NAV2: variants seen among roughly 807,000 people sequenced by gnomAD.
The protein encoded by NAV2 is neuron navigator 2, also known as helicase, APC down-regulated 1.
A neutral mutation model predicts 223.2 loss-of-function variants in NAV2; 54 were observed. The observed-to-expected ratio is 0.24, with a 90% CI of 0.19 to 0.30. NAV2 has a LOEUF of 0.30. Ranked by LOEUF, NAV2 falls within the 10% of genes least tolerant of loss-of-function variation. NAV2 has a pLI of 1.00. For synonymous variants in NAV2, 1,279 were observed against 1,239.3 expected, an observed-to-expected ratio of 1.03 and a Z score of -0.67; for missense variants, 2,806 against 3,147.5, an observed-to-expected ratio of 0.89 and a Z score of 2.60.
chr11:19,422,441 T>G (rs1308785961), intron 1 of NAV2, among the ~76,000 whole-genome samples: 1 of 152,136 alleles, frequency 6.6e-6, no homozygotes, highest in Non-Finnish European at 1.5e-5. Flanking sequence ...AATTAGGGGC[T>G]GAAAGAAAGG....
chr11:19,514,094 GC>G (rs5790076), intron 1 of NAV2, among the ~76,000 whole-genome samples: 24,046 of 152,074 alleles, frequency 0.16, 2,070 homozygotes, highest in Admixed American at 0.21. Flanking sequence ...CACCATTTCA[GC>G]CTAATCTGTA....
At chr11:19,814,673 C>T (rs117122697) in intron 1 of NAV2, among the ~76,000 whole-genome samples, 3,070 of 152,010 alleles carry the variant, frequency 0.02, 35 homozygotes, top group Middle Eastern at 0.059. Flanking sequence ...CTATGTTGCC[C>T]AGGCTGGTCT....
intron 1 of NAV2, among the ~76,000 whole-genome samples, chr11:19,442,277 G>C (rs1412378784): frequency 6.6e-6 from 1 of 152,264 alleles, no homozygotes; most frequent in Non-Finnish European, 1.5e-5. Flanking sequence ...CTGGCAAGAG[G>C]CTGGGCCTCC....
intron 3 of NAV2, among the ~76,000 whole-genome samples, chr11:19,857,852 C>G (rs2061484481): frequency 6.6e-6 from 1 of 152,122 alleles, no homozygotes; most frequent in East Asian, 1.9e-4. Flanking sequence ...AGAACTTGCT[C>G]ATTTTTTAAT....
chr11:19,760,528 C>A (rs547928851), intron 1 of NAV2, among the ~76,000 whole-genome samples: 1 of 152,202 alleles, frequency 6.6e-6, no homozygotes, highest in African/African-American at 2.4e-5. Flanking sequence ...TTGCTGGTGA[C>A]GAAGCACTGA....
chr11:19,373,819 T>G (rs561282989), intron 1 of NAV2, among the ~76,000 whole-genome samples: 9 of 152,328 alleles, frequency 5.9e-5, no homozygotes, highest in Admixed American at 3.9e-4. Context: ...AGTGAATATT[T>G]GTTACATGTT....
At chr11:19,408,701 A>T (rs1221111337) in intron 1 of NAV2, among the ~76,000 whole-genome samples, 1 of 152,220 alleles carries the variant, frequency 6.6e-6, no homozygotes, top group Non-Finnish European at 1.5e-5. Context: ...TTTACAGATG[A>T]GAAAACTGAG....
intron 6 of NAV2, among the ~76,000 whole-genome samples, chr11:19,928,021 A>G (rs568666542): frequency 6.6e-6 from 1 of 152,286 alleles, no homozygotes; most frequent in East Asian, 1.9e-4. Flanking sequence ...AAAACTAACC[A>G]TTTCAGGTTC....
intron 6 of NAV2, among the ~76,000 whole-genome samples, chr11:19,893,090 A>G (rs1320945555): frequency 6.6e-6 from 1 of 152,058 alleles, no homozygotes; most frequent in East Asian, 1.9e-4. Flanking sequence ...AGGAGTGGAC[A>G]GCATTGCTCT....
chr11:19,886,988 C>G (rs11025315), intron 5 of NAV2, among the ~76,000 whole-genome samples: 80,165 of 151,986 alleles, frequency 0.53, 23,603 homozygotes, highest in Non-Finnish European at 0.67. Context: ...TCTACACCCC[C>G]CTTTCCCCAC....
intron 1 of NAV2, among the ~76,000 whole-genome samples, chr11:19,658,952 G>C (rs566380973): frequency 5.9e-5 from 9 of 152,166 alleles, no homozygotes; most frequent in Non-Finnish European, 1.3e-4. Context: ...TGGGGAAAAC[G>C]AAATCAGCAA....
intron 1 of NAV2, among the ~76,000 whole-genome samples, chr11:19,391,064 T>C (rs1564899277): frequency 6.6e-6 from 1 of 152,238 alleles, no homozygotes; most frequent in East Asian, 1.9e-4. Flanking sequence ...CCAGGCCAAG[T>C]AAATGAGGGG....
chr11:20,038,843 A>G (rs1375884919), intron 12 of NAV2, among the ~76,000 whole-genome samples: 3 of 152,240 alleles, frequency 2.0e-5, no homozygotes, highest in African/African-American at 4.8e-5. Context: ...AGAAATAACT[A>G]AAGCATCTCA....
intron 1 of NAV2, among the ~76,000 whole-genome samples, chr11:19,431,906 G>T (rs1455694371): frequency 6.6e-6 from 1 of 152,234 alleles, no homozygotes; most frequent in Admixed American, 6.5e-5. Context: ...GTTGTCGAAA[G>T]TATTGATAAG....
chr11:19,465,598 T>G (rs1852323124), intron 1 of NAV2, among the ~76,000 whole-genome samples: 1 of 152,182 alleles, frequency 6.6e-6, no homozygotes, highest in South Asian at 2.1e-4. Context: ...AGTCCCCTGA[T>G]TAGGGCTTTT....
At chr11:19,627,423 G>A (rs1454601468) in intron 1 of NAV2, among the ~76,000 whole-genome samples, 1 of 152,008 alleles carries the variant, frequency 6.6e-6, no homozygotes, top group Non-Finnish European at 1.5e-5. Context: ...CTGTTGGGCT[G>A]GACCAAGGGG....
chr11:19,446,311 C>T (rs1025497249), intron 1 of NAV2, among the ~76,000 whole-genome samples: 1 of 152,118 alleles, frequency 6.6e-6, no homozygotes, highest in Non-Finnish European at 1.5e-5. Context: ...TTCCTAGATG[C>T]CTCCATGTTT....
chr11:19,922,250 CT>C (rs201960782), intron 6 of NAV2, among the ~76,000 whole-genome samples: 1,667 of 147,194 alleles, frequency 0.011, 32 homozygotes, highest in South Asian at 0.065. Flanking sequence ...GTTGCTGTAA[CT>C]TTTTTTTTTT....
At chr11:19,383,707 C>T (rs542731658) in intron 1 of NAV2, among the ~76,000 whole-genome samples, 2 of 152,348 alleles carry the variant, frequency 1.3e-5, no homozygotes, top group East Asian at 3.9e-4. Flanking sequence ...GGTAACACTA[C>T]CCTTGCTGGT....
Sources: gnomAD v4.1 joint callset for allele counts (sites outside exome capture counted in the v4.1 genomes callset) on GRCh38, gnomAD v4.1.1 for gene constraint, MANE v1.5 for transcripts, NCBI Gene and HGNC (gene_info 2026-07-23, HGNC 2026-07-21) for gene names.